SFXN4: variants seen among roughly 807,000 people sequenced by gnomAD.
The protein encoded by SFXN4 is sideroflexin-4.
Under a neutral mutation model 54.6 loss-of-function variants are expected in SFXN4, and 48 were observed. That is an observed-to-expected ratio of 0.88 (90% CI 0.70 to 1.12). The LOEUF is 1.12. SFXN4 is among the 50% of genes most tolerant of loss of function. The probability of loss-of-function intolerance (pLI) is 0.00; values close to 1 mark genes in which losing one functional copy is unlikely to be tolerated. For synonymous variants in SFXN4, 130 were observed against 145.5 expected (o/e 0.89, Z 0.77); for missense variants, 383 against 409.2 (o/e 0.94, Z 0.55).
chr10:119,149,363 T>C (rs1846954713), intron 11 of SFXN4, among the ~76,000 whole-genome samples: 1 of 152,208 alleles, frequency 6.6e-6, no homozygotes, highest in African/African-American at 2.4e-5. Flanking sequence ...TCTGCCCTGC[T>C]GTGGGTGACA....
intron 6 of SFXN4, 128 bp downstream of exon 6, chr10:119,159,600 T>A: frequency 1.0e-6 from 1 of 977,266 alleles, no homozygotes; most frequent in African/African-American, 1.6e-5. Flanking sequence ...TCAGTGGGGA[T>A]CCACAACCAT....
At chr10:119,161,437 C>CAAAAAAAAAAAAAAAAAAAACCAAA (rs1554888747) in intron 3 of SFXN4, among the ~76,000 whole-genome samples, 1 of 119,840 alleles carries the variant, frequency 8.3e-6, no homozygotes, top group Non-Finnish European at 1.7e-5. Context: ...CAAAAAAAAA[C>CAAAAAAAAAAAAAAAAAAAACCAAA]AAAAAAAAAA....
intron 11 of SFXN4, 81 bp downstream of exon 11, chr10:119,154,981 G>T: frequency 1.1e-6 from 1 of 933,876 alleles, no homozygotes; most frequent in Non-Finnish European, 1.7e-6. Flanking sequence ...AGGCAGACAT[G>T]AATTTGTCAC....
chr10:119,146,804 G>A (rs12415822), intron 12 of SFXN4, among the ~76,000 whole-genome samples: 45,954 of 152,042 alleles, frequency 0.3, 7,682 homozygotes, highest in South Asian at 0.41. Flanking sequence ...CTGACCTCAG[G>A]TGATCTGCCC....
At position 119,140,958 on chromosome 10, in the gene SFXN4, A is replaced by G; in HGVS notation, c.*284T>C. The stretch of plus-strand genomic sequence containing the variant: ...CTTGAGACAGGTTTATTAGTTAATT[A>G]GTGATTTCACAGTATCCTTTCGCAG... On this transcript the variant is annotated 3_prime_UTR_variant, in exon 14 of 14. Transcript: ENST00000355697. The G allele has an allele frequency of 3.2e-6, 1 of 314,894 alleles. No individual in the cohort carries two copies. The highest frequency in any genetic ancestry group is 5.9e-6 in the Non-Finnish European group (1 of 170,802). 19.5% of individuals were successfully genotyped at this position (314,894 alleles called of 1,614,324 possible).
intron 11 of SFXN4, among the ~76,000 whole-genome samples, chr10:119,149,606 C>T (rs1406307589): frequency 6.6e-6 from 1 of 151,934 alleles, no homozygotes; most frequent in South Asian, 2.1e-4. Flanking sequence ...AAAAATTAGC[C>T]GGGCGTGGTG....
At chr10:119,149,966 G>C (rs1035247018) in intron 11 of SFXN4, among the ~76,000 whole-genome samples, 3 of 152,090 alleles carry the variant, frequency 2.0e-5, no homozygotes, top group Non-Finnish European at 4.4e-5. Flanking sequence ...GGCCAGTCGG[G>C]GGAAACAACA....
chr10:119,165,094 T>A (rs1231652989), intron 1 of SFXN4: 2 of 423,756 alleles, frequency 4.7e-6, no homozygotes, highest in East Asian at 3.1e-4. Context: ...CATATTTCTA[T>A]TGGACGGTGC....
chr10:119,151,995 T>C (rs1847088358), intron 11 of SFXN4, among the ~76,000 whole-genome samples: 1 of 151,838 alleles, frequency 6.6e-6, no homozygotes, highest in Non-Finnish European at 1.5e-5. Flanking sequence ...TTTAAAAATT[T>C]TTTTGTAGAG....
At chr10:119,145,312 T>C (rs1323321831) in intron 13 of SFXN4, among the ~76,000 whole-genome samples, 7 of 79,286 alleles carry the variant, frequency 8.8e-5, no homozygotes, top group South Asian at 3.8e-4. Context: ...TTTCTTATGA[T>C]TTTTTTTTTT....
At chr10:119,146,448 T>TGCGC in intron 12 of SFXN4, 95 bp from the exon 13 acceptor site, 1 of 587,372 alleles carries the variant, frequency 1.7e-6, no homozygotes, top group Non-Finnish European at 3.0e-6. Context: ...TGTGTGTGTG[T>TGCGC]GTGTGTGTGT....
chr10:119,161,138 G>A (rs1297303068), intron 3 of SFXN4, 57 bp from the exon 4 acceptor site: 1 of 1,579,810 alleles, frequency 6.3e-7, no homozygotes, highest in Non-Finnish European at 8.7e-7. Flanking sequence ...TAAGAGACAA[G>A]GTCTTGCTCT....
intron 12 of SFXN4, 32 bp from the exon 13 acceptor site, chr10:119,146,385 T>C: frequency 1.5e-6 from 2 of 1,332,628 alleles, no homozygotes; most frequent in Non-Finnish European, 2.2e-6. Context: ...TCACAAGTGA[T>C]GTTAAACTAT....
intron 2 of SFXN4, among the ~76,000 whole-genome samples, chr10:119,162,675 C>G (rs1371767542): frequency 1.3e-5 from 2 of 152,188 alleles, no homozygotes; most frequent in Admixed American, 1.3e-4. Context: ...TGTCAACTGT[C>G]GCACTGAATG....
At chr10:119,145,024 T>C (rs1283153380) in intron 13 of SFXN4, among the ~76,000 whole-genome samples, 2 of 152,196 alleles carry the variant, frequency 1.3e-5, no homozygotes, top group Non-Finnish European at 2.9e-5. Flanking sequence ...AAAAGGCTTA[T>C]GAAATATTGT....
intron 11 of SFXN4, among the ~76,000 whole-genome samples, chr10:119,154,109 C>A (rs959085543): frequency 6.7e-6 from 1 of 150,240 alleles, no homozygotes; most frequent in Non-Finnish European, 1.5e-5. Flanking sequence ...ACCCAGGAAG[C>A]GGAGGTTGCA....
intron 11 of SFXN4, among the ~76,000 whole-genome samples, chr10:119,151,663 G>A (rs556958066): frequency 2.0e-5 from 3 of 151,588 alleles, no homozygotes; most frequent in East Asian, 2.0e-4. Flanking sequence ...CTACAGGCAT[G>A]AGCCACCATG....
rs1232907439 is a variant in SFXN4 at position 119,160,964 on chromosome 10, T to G, written c.285A>C (p.Thr95=). 6.2e-7 allele frequency: 1 copy of G among 1,614,154 alleles called. No individual in the cohort carries two copies. Among genetic ancestry groups the G allele is most frequent in the African/African-American group, 1.3e-5 (1 of 75,024 alleles). Residue 95 remains threonine, a synonymous_variant, in exon 5 of 14, where the codon ACA becomes ACC. Coordinates refer to ENST00000355697, the MANE Select transcript of SFXN4 (RefSeq NM_213649.2). The part of the protein sequence containing the change: ...IQEAWKRSLA[T]VHPDSSNLIP... Reference sequence around the variant, plus strand: ...TCAGGTTGCTGCTGTCGGGATGCACTGTTGCCTTCAAAAGGAGAGATGCAA... The same window carrying G: ...TCAGGTTGCTGCTGTCGGGATGCACGGTTGCCTTCAAAAGGAGAGATGCAA...
chr10:119,154,100 C>T (rs1035407877), intron 11 of SFXN4, among the ~76,000 whole-genome samples: 2 of 151,724 alleles, frequency 1.3e-5, no homozygotes, highest in African/African-American at 4.8e-5. Flanking sequence ...ATCGCTTGAA[C>T]CCAGGAAGCG....
Sources: allele counts gnomAD v4.1 joint callset (sites outside exome capture counted in the v4.1 genomes callset), GRCh38; gene constraint gnomAD v4.1.1; transcripts MANE v1.5; gene names NCBI Gene and HGNC (gene_info 2026-07-23, HGNC 2026-07-21).